Variants in RWDD2B observed in about 807,000 individuals in gnomAD.
The protein encoded by RWDD2B is RWD domain-containing protein 2B.
A neutral mutation model predicts 33.6 loss-of-function variants in RWDD2B; 36 were observed. That is an observed-to-expected ratio of 1.07 (90% confidence interval 0.82 to 1.42). The LOEUF is 1.42. Ranked by LOEUF, RWDD2B falls within the 40% of genes most tolerant of loss-of-function variation. RWDD2B has a pLI of 0.00. For missense variants in RWDD2B, 364 were observed against 377.5 expected (o/e 0.96, Z 0.30); for synonymous variants, 126 against 133.1 (o/e 0.95, Z 0.37).
At chr21:29,014,220 G>A (rs1169372966) in intron 1 of RWDD2B, among the ~76,000 whole-genome samples, 1 of 152,084 alleles carries the variant, frequency 6.6e-6, no homozygotes, top group African/African-American at 2.4e-5. Context: ...GAGATGAAGG[G>A]GCCAAATGCA....
Position 29,006,206 on chromosome 21 carries a change from A to G in RWDD2B, c.*211T>C. 2.4e-6 allele frequency: 1 copy of G among 423,304 alleles called. No individual in the cohort carries two copies. The highest frequency in any genetic ancestry group is 4.2e-6 in the Non-Finnish European group (1 of 238,710). 26.2% of individuals were successfully genotyped at this position (423,304 alleles called of 1,614,324 possible). A position where few individuals can be genotyped will look rare whatever the true frequency, so the allele number is the denominator to read the frequency against. ...GCTGATATGTGAAGAAATATCTAACAACAATTTTAAGGTTGTAATTTGAAA... is the reference window on the plus strand; with the variant it reads ...GCTGATATGTGAAGAAATATCTAACGACAATTTTAAGGTTGTAATTTGAAA... On this transcript the variant is annotated 3_prime_UTR_variant, in exon 5 of 5. Coordinates refer to ENST00000493196, the MANE Select transcript of RWDD2B (RefSeq NM_016940.3).
intron 1 of RWDD2B, among the ~76,000 whole-genome samples, chr21:29,012,034 T>C (rs1399845398): frequency 1.7e-5 from 2 of 115,064 alleles, no homozygotes; most frequent in East Asian, 2.7e-4. Context: ...GTCCGGGAGG[T>C]GAGGGGCGCC....
At chr21:29,009,182 C>T (rs935513504) in intron 1 of RWDD2B, among the ~76,000 whole-genome samples, 6 of 152,050 alleles carry the variant, frequency 3.9e-5, no homozygotes, top group East Asian at 1.9e-4. Flanking sequence ...CAACCTCCCA[C>T]GCCCAAGCAA....
Position 29,005,494 on chromosome 21 carries a change from T to A in RWDD2B, c.*923A>T, listed in dbSNP as rs913656978. ...GCTTATGCCTGTAATCCAAGCACAT[T>A]GGGAAGCCGAGGTGGGAGGATCACC... On this transcript the variant is annotated 3_prime_UTR_variant, in exon 5 of 5. Coordinates refer to ENST00000493196, the MANE Select transcript of RWDD2B (RefSeq NM_016940.3). 2 of 152,204 alleles carry A rather than the reference T, an allele frequency of 1.3e-5. No individual in the cohort carries two copies. Among genetic ancestry groups the A allele is most frequent in the African/African-American group, 2.4e-5 (1 of 41,434 alleles). The allele number at this position is 152,204 out of a possible 1,614,324, so 9.4% of individuals were successfully genotyped here. A position where few individuals can be genotyped will look rare whatever the true frequency, so the allele number is the denominator to read the frequency against.
Position 29,007,929 on chromosome 21 carries a change from A to G in RWDD2B, c.557T>C (p.Ile186Thr). The G allele has an allele frequency of 6.2e-7, 1 of 1,614,218 alleles. No individual in the cohort carries two copies. The highest frequency in any genetic ancestry group is 1.1e-5 in the South Asian group (1 of 91,074). The change falls in exon 4 of 5, where the codon ATC (isoleucine) becomes ACC (threonine). Residue 186 changes from isoleucine (I) to threonine (T), a missense_variant. Coordinates refer to ENST00000493196, the MANE Select transcript of RWDD2B (RefSeq NM_016940.3). ...GCTGTAGATCCAGAGTCTCGTGAAG[A>G]TGAGGTCAACTGACTGGACTGTGCT... ...TGSTVQSVDLIFTRLWIYSHH... is the reference protein window; with the variant it reads ...TGSTVQSVDLTFTRLWIYSHH...
intron 1 of RWDD2B, among the ~76,000 whole-genome samples, chr21:29,017,853 T>C (rs1475372472): frequency 6.6e-6 from 1 of 152,058 alleles, no homozygotes; most frequent in East Asian, 1.9e-4. Flanking sequence ...TCAAAGGCCT[T>C]GAGGAAGGAG....
chr21:29,019,240 C>G lies in RWDD2B; in HGVS notation c.38G>C (p.Gly13Ala). ...AGCCGTGGCCCCCTCACTGCTGTAA[C>G]CCGGGTTCCATGGCTGCATGGACAG... Reference protein sequence around the residue: ...IELSMQPWNPGYSSEGATAQE... With the variant: ...IELSMQPWNPAYSSEGATAQE... Residue 13 changes from glycine (G) to alanine (A), a missense_variant, in exon 1 of 5, where the codon GGT (glycine) becomes GCT (alanine). By Grantham distance (60) the Gly-to-Ala change is moderately conservative. Coordinates refer to ENST00000493196, the MANE Select transcript of RWDD2B (RefSeq NM_016940.3). 1 of 1,606,138 alleles carries G rather than the reference C, an allele frequency of 6.2e-7. No homozygotes were observed. The highest frequency in any genetic ancestry group is 8.5e-7 in the Non-Finnish European group (1 of 1,177,034).
At chr21:29,011,825 C>T (rs2084863052) in intron 1 of RWDD2B, among the ~76,000 whole-genome samples, 1 of 134,850 alleles carries the variant, frequency 7.4e-6, no homozygotes, top group Non-Finnish European at 1.6e-5. Flanking sequence ...GCGCCTCTGC[C>T]CGGCCGCCCC....
chr21:29,011,489 A>G (rs1469256032), intron 1 of RWDD2B, among the ~76,000 whole-genome samples: 1 of 151,140 alleles, frequency 6.6e-6, no homozygotes, highest in East Asian at 2.0e-4. Context: ...CCCGTCTGGG[A>G]AGTGAGGAGC....
At chr21:29,008,817 GA>G (rs768541557) in intron 1 of RWDD2B, among the ~76,000 whole-genome samples, 196 bp from the exon 2 acceptor site, 11 of 152,066 alleles carry the variant, frequency 7.2e-5, no homozygotes, top group Admixed American at 5.2e-4. Context: ...GCAACATACT[GA>G]GACCATCTAT....
At chr21:29,012,184 C>CG (rs1555851484) in intron 1 of RWDD2B, among the ~76,000 whole-genome samples, 2,392 of 133,014 alleles carry the variant, frequency 0.018, 255 homozygotes, top group African/African-American at 0.063. Context: ...TCAGCCCCCC[C>CG]CCGGGAGGTG....
intron 1 of RWDD2B, among the ~76,000 whole-genome samples, chr21:29,018,118 T>A (rs1375215005): frequency 6.6e-6 from 1 of 152,126 alleles, no homozygotes; most frequent in Non-Finnish European, 1.5e-5. Flanking sequence ...GGAGAGATGA[T>A]GGTGGCTTTG....
chr21:29,009,936 T>C (rs2084848493), intron 1 of RWDD2B, among the ~76,000 whole-genome samples: 1 of 152,184 alleles, frequency 6.6e-6, no homozygotes, highest in African/African-American at 2.4e-5. Flanking sequence ...CCACCAAATA[T>C]ATTTTGTAGA....
chr21:29,016,329 A>G (rs2084890080), intron 1 of RWDD2B, among the ~76,000 whole-genome samples: 1 of 151,914 alleles, frequency 6.6e-6, no homozygotes, highest in Non-Finnish European at 1.5e-5. Context: ...AAATGGTGCA[A>G]TCTCGGCTCA....
chr21:29,008,758 C>T (rs557262116), intron 1 of RWDD2B, 137 bp from the exon 2 acceptor site: 2 of 641,694 alleles, frequency 3.1e-6, no homozygotes, highest in East Asian at 5.4e-5. Context: ...TTCCCTATTA[C>T]TCTACTTTCA....
In RWDD2B at chr21:29,008,014, C is replaced by T. The variant is rs763358227; in HGVS notation, c.472G>A (p.Val158Ile). The T allele has an allele frequency of 8.1e-6, 13 of 1,614,242 alleles. No homozygotes were observed. In the Admixed American group the frequency reaches 2.2e-4, roughly 27 times the overall value. The change falls in exon 4 of 5, where the codon GTT becomes ATT. Residue 158 changes from valine (V) to isoleucine (I), a missense_variant. Physicochemically the swap from Val to Ile is conservative, Grantham distance 29. Coordinates refer to ENST00000493196, the MANE Select transcript of RWDD2B (RefSeq NM_016940.3). Reference sequence around the variant, plus strand: ...ACATAGCCAGAGGCGTGTTCTCTAACCCACTCTGTGGCATTCAGTATACAA... The same window carrying T: ...ACATAGCCAGAGGCGTGTTCTCTAATCCACTCTGTGGCATTCAGTATACAA... The part of the protein sequence containing the change: ...DVCILNATEW[V>I]REHASGYVSR...
intron 1 of RWDD2B, among the ~76,000 whole-genome samples, chr21:29,012,582 C>T (rs1261761783): frequency 1.3e-5 from 2 of 151,470 alleles, no homozygotes; most frequent in Non-Finnish European, 2.9e-5. Flanking sequence ...CAGCATGCTC[C>T]TTAAGAGTCA....
At chr21:29,010,901 C>T (rs1395188850) in intron 1 of RWDD2B, among the ~76,000 whole-genome samples, 2 of 152,194 alleles carry the variant, frequency 1.3e-5, no homozygotes, top group South Asian at 2.1e-4. Context: ...AGCTCCTAAC[C>T]GCGAGTGATC....
intron 1 of RWDD2B, among the ~76,000 whole-genome samples, chr21:29,011,266 C>G (rs1568870201): frequency 6.6e-6 from 1 of 151,476 alleles, no homozygotes; most frequent in African/African-American, 2.4e-5. Context: ...AAGTGAGGAG[C>G]GTCTCTGCCC....
Sources: allele counts gnomAD v4.1 joint callset (sites outside exome capture counted in the v4.1 genomes callset), GRCh38; gene constraint gnomAD v4.1.1; transcripts MANE v1.5; gene names NCBI Gene and HGNC (gene_info 2026-07-23, HGNC 2026-07-21).